Variants in TRDN observed in about 807,000 individuals in gnomAD.
The protein encoded by TRDN is triadin in skeletal muscle.
Under a neutral mutation model 149.7 loss-of-function variants are expected in TRDN, and 161 were observed. The observed-to-expected ratio is 1.08, with a 90% CI of 0.95 to 1.23. The LOEUF (loss-of-function observed/expected upper bound fraction) is 1.23, where lower values mean the gene tolerates loss of function less well. Ranked by LOEUF, TRDN falls within the 50% of genes most tolerant of loss-of-function variation. TRDN has a pLI of 0.00. For missense variants in TRDN, 896 were observed against 823.5 expected (o/e 1.09, Z -1.08); for synonymous variants, 294 against 250.5 (o/e 1.17, Z -1.64).
chr6:123,500,079 T>C (rs918808633), intron 8 of TRDN, among the ~76,000 whole-genome samples: 3 of 152,064 alleles, frequency 2.0e-5, no homozygotes, highest in Admixed American at 6.6e-5. Flanking sequence ...ATTTAATTAA[T>C]ACACCAACAG....
intron 38 of TRDN, among the ~76,000 whole-genome samples, chr6:123,250,098 A>G (rs1455765804): frequency 1.3e-5 from 2 of 152,168 alleles, no homozygotes; most frequent in Non-Finnish European, 2.9e-5. Flanking sequence ...TGCATTTATA[A>G]CAGCTATAAG....
intron 20 of TRDN, among the ~76,000 whole-genome samples, chr6:123,365,050 G>A (rs1781037860): frequency 6.6e-6 from 1 of 152,106 alleles, no homozygotes; most frequent in Non-Finnish European, 1.5e-5. Context: ...GATGTATCAT[G>A]ATCACCTAGC....
chr6:123,586,499 G>T (rs1472647834), intron 1 of TRDN, among the ~76,000 whole-genome samples: 2 of 152,132 alleles, frequency 1.3e-5, no homozygotes, highest in Non-Finnish European at 2.9e-5. Context: ...ATGTGTAAAA[G>T]AATGCCTGGA....
intron 21 of TRDN, among the ~76,000 whole-genome samples, chr6:123,340,825 T>C (rs192418578): frequency 4.0e-4 from 61 of 152,136 alleles, no homozygotes; most frequent in Non-Finnish European, 7.7e-4. Context: ...GTGTAACTTA[T>C]AACGCACATC....
intron 5 of TRDN, among the ~76,000 whole-genome samples, chr6:123,519,068 G>A (rs763763764): frequency 3.3e-5 from 5 of 152,144 alleles, no homozygotes; most frequent in Non-Finnish European, 7.4e-5. Flanking sequence ...AGCCCTATTT[G>A]GCAAGTTATA....
At chr6:123,289,934 C>A (rs896160911) in intron 24 of TRDN, among the ~76,000 whole-genome samples, 1 of 152,130 alleles carries the variant, frequency 6.6e-6, no homozygotes, top group East Asian at 1.9e-4. Context: ...AAAAAAAGTT[C>A]TCCACCAACT....
chr6:123,243,923 CA>C (rs112484441), intron 38 of TRDN, among the ~76,000 whole-genome samples: 137 of 152,184 alleles, frequency 9.0e-4, no homozygotes, highest in African/African-American at 3.2e-3. Flanking sequence ...TCAAGTCTAG[CA>C]AGACACTTGG....
At chr6:123,328,952 G>A (rs751588090) in intron 23 of TRDN, among the ~76,000 whole-genome samples, 6 of 152,132 alleles carry the variant, frequency 3.9e-5, no homozygotes, top group African/African-American at 9.7e-5. Flanking sequence ...TTTCAACCAA[G>A]TAAATGTTTC....
intron 23 of TRDN, among the ~76,000 whole-genome samples, chr6:123,321,546 C>A (rs1779245669): frequency 6.6e-6 from 1 of 152,002 alleles, no homozygotes; most frequent in South Asian, 2.1e-4. Context: ...CACACAAAGA[C>A]ACGCAATTTC....
intron 1 of TRDN, among the ~76,000 whole-genome samples, chr6:123,604,631 C>T (rs892505093): frequency 3.9e-5 from 6 of 151,974 alleles, no homozygotes; most frequent in African/African-American, 1.4e-4. Context: ...TGATAAGAGG[C>T]CAAACTCTCA....
chr6:123,380,474 G>C (rs539042843), intron 16 of TRDN, among the ~76,000 whole-genome samples: 4 of 152,276 alleles, frequency 2.6e-5, no homozygotes, highest in Middle Eastern at 3.4e-3. Context: ...AGAACTCTCT[G>C]TAGATGGATT....
At chr6:123,552,342 G>C (rs1781442252) in intron 2 of TRDN, among the ~76,000 whole-genome samples, 1 of 152,114 alleles carries the variant, frequency 6.6e-6, no homozygotes, top group Non-Finnish European at 1.5e-5. Flanking sequence ...GTGTACTTAA[G>C]TTTCTAAATG....
intron 21 of TRDN, among the ~76,000 whole-genome samples, chr6:123,339,284 C>A (rs533386109): frequency 3.9e-5 from 6 of 151,988 alleles, no homozygotes; most frequent in Non-Finnish European, 7.4e-5. Context: ...GGATTACAGG[C>A]GTGAGCCACC....
At chr6:123,508,409 C>G (rs13218429) in intron 7 of TRDN, among the ~76,000 whole-genome samples, 15,115 of 152,058 alleles carry the variant, frequency 0.099, 1,038 homozygotes, top group South Asian at 0.21. Flanking sequence ...ATACATGAAC[C>G]ATGTGAAAGC....
At position 123,529,049 on chromosome 6, in the gene TRDN, G is replaced by A. The variant is rs9490795; in HGVS notation, c.484+1457C>T. ...AAACCTACTCTACAGCCCACTGCTC[G>A]GTCTTTGACATCAGAATTCTAATAT... On this transcript the variant is annotated intron_variant, in intron 5 of 40. Transcript: ENST00000334268. The A allele has an allele frequency of 0.63, 883,851 of 1,407,480 alleles. 282,166 individuals are homozygous for A. Among genetic ancestry groups the A allele is most frequent in the Non-Finnish European group, 0.66 (713,686 of 1,082,956 alleles). 87.2% of individuals were successfully genotyped at this position (1,407,480 alleles called of 1,614,324 possible). A position where few individuals can be genotyped will look rare whatever the true frequency, so the allele number is the denominator to read the frequency against.
At chr6:123,376,823 T>C (rs1781527581) in intron 18 of TRDN, among the ~76,000 whole-genome samples, 1 of 152,028 alleles carries the variant, frequency 6.6e-6, no homozygotes, top group Non-Finnish European at 1.5e-5. Flanking sequence ...GCTATTTCCA[T>C]TTAAATAAAA....
chr6:123,565,796 G>T (rs555172998), intron 2 of TRDN, among the ~76,000 whole-genome samples: 1 of 152,198 alleles, frequency 6.6e-6, no homozygotes, highest in Non-Finnish European at 1.5e-5. Context: ...GGCCAGGTGC[G>T]CGTGCAGTTC....
At chr6:123,529,316 C>T (rs1159786124) in intron 5 of TRDN, 1 of 1,548,404 alleles carries the variant, frequency 6.5e-7, no homozygotes, top group South Asian at 1.2e-5. Flanking sequence ...GAATTAAGAA[C>T]CGAAAAAAGG....
At chr6:123,534,984 A>C (rs1780451951) in intron 4 of TRDN, among the ~76,000 whole-genome samples, 1 of 152,142 alleles carries the variant, frequency 6.6e-6, no homozygotes, top group Admixed American at 6.6e-5. Flanking sequence ...AAAAGGTGTT[A>C]AGTCTCAGCA....
Sources: allele counts gnomAD v4.1 joint callset (sites outside exome capture counted in the v4.1 genomes callset), GRCh38; gene constraint gnomAD v4.1.1; transcripts MANE v1.5; gene names NCBI Gene and HGNC (gene_info 2026-07-23, HGNC 2026-07-21).